SLIT1: variants seen among roughly 807,000 people sequenced by gnomAD.
SLIT1 encodes slit homolog 1 protein.
Under a neutral mutation model 186.1 loss-of-function variants are expected in SLIT1, and 66 were observed. The ratio of observed to expected loss-of-function variants is 0.35; its 90% CI spans 0.29 to 0.44. The LOEUF (loss-of-function observed/expected upper bound fraction) is 0.44, where lower values mean the gene tolerates loss of function less well. SLIT1 is among the 20% of genes least tolerant of loss of function. The pLI is 1.00. For synonymous variants in SLIT1, 761 were observed against 833.8 expected, an observed-to-expected ratio of 0.91 and a Z score of 1.50; for missense variants, 1,638 against 2,037.4, an observed-to-expected ratio of 0.80 and a Z score of 3.77.
At position 96,998,800 on chromosome 10, in the gene SLIT1, T is replaced by A. The variant is rs1310899137; in HGVS notation, c.*2312A>T. On this transcript the variant is annotated 3_prime_UTR_variant, in exon 37 of 37. Transcript: ENST00000266058. ...TCAGGGGAGCCTTAAGCTCACATGG[T>A]GCTCCCTAGGAACAAACATGCCAGC... is the stretch of plus-strand genomic sequence containing the variant. 2.6e-5 allele frequency: 4 copies of A among 152,370 alleles called. No individual in the cohort carries two copies. Among genetic ancestry groups the A allele is most frequent in the Admixed American group, 2.6e-4 (4 of 15,282 alleles). The allele number at this position is 152,370 out of a possible 1,614,324, so 9.4% of individuals were successfully genotyped here.
intron 24 of SLIT1, among the ~76,000 whole-genome samples, 164 bp from the exon 25 acceptor site, chr10:97,030,992 G>A (rs1848585463): frequency 6.6e-6 from 1 of 152,222 alleles, no homozygotes; most frequent in African/African-American, 2.4e-5. Context: ...GCTGGCCACA[G>A]GGAAGAAATC....
At chr10:97,163,877 G>A (rs1046553288) in intron 2 of SLIT1, among the ~76,000 whole-genome samples, 2 of 152,260 alleles carry the variant, frequency 1.3e-5, no homozygotes, top group Non-Finnish European at 1.5e-5. Context: ...GAAGGCACAT[G>A]TCCAAGGGAC....
chr10:97,145,838 G>A (rs554855382), intron 4 of SLIT1, among the ~76,000 whole-genome samples: 10 of 152,284 alleles, frequency 6.6e-5, no homozygotes, highest in East Asian at 1.9e-4. Flanking sequence ...GACAGACTGC[G>A]GCAGTGAGGA....
chr10:97,088,581 C>A (rs1384689618), intron 4 of SLIT1, among the ~76,000 whole-genome samples: 1 of 152,128 alleles, frequency 6.6e-6, no homozygotes, highest in African/African-American at 2.4e-5. Context: ...GCTAAACGTA[C>A]TATACAGGAA....
rs891035217 is a variant in SLIT1 at position 97,000,510 on chromosome 10, C to A, written c.*602G>T. On this transcript the variant is annotated 3_prime_UTR_variant, in exon 37 of 37. Transcript: ENST00000266058. ...TCGTTCCCAAGCCGTGGCTGCAGAG[C>A]TGCCAGTCAGCCCAGGGGGCAAGGG... 6.6e-6 allele frequency: 1 copy of A among 152,492 alleles called. No homozygotes were observed. Among genetic ancestry groups the A allele is most frequent in the African/African-American group, 2.4e-5 (1 of 41,470 alleles). The allele number at this position is 152,492 out of a possible 1,614,324, so 9.4% of individuals were successfully genotyped here.
intron 4 of SLIT1, among the ~76,000 whole-genome samples, chr10:97,094,807 T>C (rs1310306669): frequency 6.6e-6 from 1 of 152,246 alleles, no homozygotes; most frequent in Non-Finnish European, 1.5e-5. Flanking sequence ...TAATTAAAAC[T>C]ACTTTATGTC....
Position 97,004,911 on chromosome 10 carries a change from T to A in SLIT1, c.3580-88A>T. ...ATGGGGCAGAGAGGGCACCCAAGAT[T>A]GGAAGAGAGATGCTCTGTGCAGAGC... On this transcript the variant is annotated intron_variant, in intron 32 of 36. Transcript: ENST00000266058. This position sits in a 1 kb window ranked among gnomAD's most constrained non-coding sequence, Gnocchi z 5.1. The A allele has an allele frequency of 6.7e-7, 1 of 1,500,134 alleles. No homozygotes were observed. Among genetic ancestry groups the A allele is most frequent in the Admixed American group, 1.7e-5 (1 of 58,122 alleles). The allele number at this position is 1,500,134 out of a possible 1,614,324, so 92.9% of individuals were successfully genotyped here. A position where few individuals can be genotyped will look rare whatever the true frequency, so the allele number is the denominator to read the frequency against.
intron 4 of SLIT1, among the ~76,000 whole-genome samples, chr10:97,083,317 C>A (rs867149073): frequency 6.6e-6 from 1 of 152,166 alleles, no homozygotes; most frequent in Non-Finnish European, 1.5e-5. Context: ...CCCAACCTGC[C>A]TAACTGCAGA....
At position 97,010,712 on chromosome 10, in the gene SLIT1, C is replaced by T. The variant is rs1848402912; in HGVS notation, c.3341+281G>A. On this transcript the variant is annotated intron_variant, in intron 31 of 36. Coordinates refer to ENST00000266058, the MANE Select transcript of SLIT1 (RefSeq NM_003061.3). This position sits in a 1 kb window ranked among gnomAD's most constrained non-coding sequence, Gnocchi z 4.8. ...GGGGCAAGACATGTCTTCAGAGGCT[C>T]AGGTAGGCAGGTAAGTGACAGCACA... Among the ~76,000 whole-genome samples, 3 of 152,132 alleles carry T rather than the reference C, an allele frequency of 2.0e-5. No individual in the cohort carries two copies. Among genetic ancestry groups the T allele is most frequent in the Admixed American group, 1.3e-4 (2 of 15,288 alleles).
chr10:97,098,882 G>T (rs534860269), intron 4 of SLIT1, among the ~76,000 whole-genome samples: 1 of 152,204 alleles, frequency 6.6e-6, no homozygotes, highest in Non-Finnish European at 1.5e-5. Context: ...GGAGTATCAC[G>T]TGGCTGTCAG....
intron 4 of SLIT1, among the ~76,000 whole-genome samples, chr10:97,144,015 T>G (rs142826205): frequency 0.19 from 29,530 of 152,050 alleles, 3,940 homozygotes; most frequent in African/African-American, 0.38. Flanking sequence ...CTGGCCAACA[T>G]GGCGAAACCC....
At chr10:97,138,195 GA>G (rs1178460693) in intron 4 of SLIT1, among the ~76,000 whole-genome samples, 1 of 152,232 alleles carries the variant, frequency 6.6e-6, no homozygotes, top group Non-Finnish European at 1.5e-5. Context: ...CCGAAGGGCT[GA>G]TTGCGGAACC....
At chr10:97,082,892 A>G (rs1177775145) in intron 4 of SLIT1, among the ~76,000 whole-genome samples, 2 of 151,946 alleles carry the variant, frequency 1.3e-5, no homozygotes, top group Non-Finnish European at 2.9e-5. Context: ...AACTGCTCTA[A>G]AAAAAGAAAG....
chr10:97,111,542 A>G (rs188499242), intron 4 of SLIT1, among the ~76,000 whole-genome samples: 6 of 152,352 alleles, frequency 3.9e-5, no homozygotes, highest in Admixed American at 3.3e-4. Context: ...CACGCCTACA[A>G]AGACTGCGTC....
intron 30 of SLIT1, among the ~76,000 whole-genome samples, chr10:97,011,950 G>T (rs1248464152): frequency 1.3e-5 from 2 of 152,130 alleles, no homozygotes; most frequent in African/African-American, 4.8e-5. Context: ...TTGTCTGATC[G>T]CCTTCTAAAC....
chr10:97,179,804 C>A (rs1337380895), intron 1 of SLIT1, among the ~76,000 whole-genome samples: 1 of 149,376 alleles, frequency 6.7e-6, no homozygotes, highest in South Asian at 2.2e-4. Context: ...ACACCCTCCC[C>A]GCCCCCCGGC....
chr10:97,031,841 G>A lies in SLIT1; in HGVS notation c.2439-164C>T, dbSNP rs1848594308. Among the ~76,000 whole-genome samples, 4 of 152,392 alleles carry A rather than the reference G, an allele frequency of 2.6e-5. No homozygotes were observed. The South Asian group carries it at 8.3e-4, about 32-fold the overall frequency. Reference sequence around the variant, plus strand: ...GTGCATGGGCTGGGCTGCGCCCTAAGAAGCTGGTGGTCTTGGGCATGCCCC... The same window carrying A: ...GTGCATGGGCTGGGCTGCGCCCTAAAAAGCTGGTGGTCTTGGGCATGCCCC... On this transcript the variant is annotated intron_variant, in intron 23 of 36. Transcript: ENST00000266058.
chr10:97,095,120 T>C (rs1375438767), intron 4 of SLIT1, among the ~76,000 whole-genome samples: 1 of 152,086 alleles, frequency 6.6e-6, no homozygotes, highest in Non-Finnish European at 1.5e-5. Context: ...CCGTCTCTAC[T>C]GAAAATACAA....
chr10:97,037,657 T>A (rs781578313), intron 22 of SLIT1, 41 bp downstream of exon 22: 4 of 1,518,672 alleles, frequency 2.6e-6, no homozygotes, highest in Non-Finnish European at 3.7e-6. Context: ...GATGGTTAGA[T>A]GCCAAAGGCC....
Sources: allele counts gnomAD v4.1 joint callset (sites outside exome capture counted in the v4.1 genomes callset), GRCh38; gene constraint gnomAD v4.1.1; non-coding constraint Gnocchi (gnomAD v3.1); transcripts MANE v1.5; gene names NCBI Gene and HGNC (gene_info 2026-07-23, HGNC 2026-07-21).